CARD6: variants seen among roughly 807,000 people sequenced by gnomAD.
CARD6 encodes the protein caspase recruitment domain family member 6.
CARD6 carries 27 observed loss-of-function variants against 23.6 expected under a neutral mutation model. That is an observed-to-expected ratio of 1.14 (90% CI 0.84 to 1.58). The LOEUF is 1.58. CARD6 is among the 40% of genes most tolerant of loss of function. CARD6 has a pLI of 0.00. For missense variants in CARD6, 1,214 were observed against 1,209.9 expected (o/e 1.00, Z -0.05); for synonymous variants, 397 against 431.8 (o/e 0.92, Z 1.00).
At position 40,854,590 on chromosome 5, in the gene CARD6, A is replaced by G; in HGVS notation, c.*144A>G. 2 of 702,666 alleles carry G rather than the reference A, an allele frequency of 2.8e-6. No individual in the cohort carries two copies. Among genetic ancestry groups the G allele is most frequent in the Non-Finnish European group, 4.7e-6 (2 of 423,850 alleles). The allele number at this position is 702,666 out of a possible 1,614,324, so 43.5% of individuals were successfully genotyped here. A position where few individuals can be genotyped will look rare whatever the true frequency, so the allele number is the denominator to read the frequency against. ...AAAGATATACATGACTGAATTGGAT[A>G]TCTTTGTTTGTTTGTTTGAGACAGA... On this transcript the variant is annotated 3_prime_UTR_variant, in exon 3 of 3. Coordinates refer to ENST00000254691, the MANE Select transcript of CARD6 (RefSeq NM_032587.4).
chr5:40,843,372 A>G lies in CARD6; in HGVS notation c.504A>G (p.Glu168=). The G allele has an allele frequency of 6.2e-7, 1 of 1,614,162 alleles. No homozygotes were observed. Among genetic ancestry groups the G allele is most frequent in the Non-Finnish European group, 8.5e-7 (1 of 1,180,002 alleles). Residue 168 remains glutamate, a synonymous_variant, in exon 2 of 3, where the codon GAA becomes GAG. Transcript: ENST00000254691. ...TALSARKNEK[E]YDTPEVTLSY... is the part of the protein sequence containing the mutation. ...TGTCTGCCAGGAAGAATGAGAAGGA[A>G]TATGACACACCAGAAGTCACATTAT...
Position 40,852,161 on chromosome 5 carries a change from T to A in CARD6, c.842-13T>A, listed in dbSNP as rs752850800. On this transcript the variant is annotated splice_polypyrimidine_tract_variant and intron_variant, in intron 2 of 2. Coordinates refer to ENST00000254691, the MANE Select transcript of CARD6 (RefSeq NM_032587.4). ...TCTGAACATGGCATTCACTATTATC[T>A]TCTCTCCTACAGAAAGAAAAAAGGT... The A allele has an allele frequency of 6.5e-6, 10 of 1,538,892 alleles. No individual in the cohort carries two copies. The South Asian group carries it at 1.2e-4, about 18-fold the overall frequency.
intron 2 of CARD6, among the ~76,000 whole-genome samples, chr5:40,846,193 A>C (rs1298818978): frequency 6.6e-6 from 1 of 151,136 alleles, no homozygotes; most frequent in Non-Finnish European, 1.5e-5. Flanking sequence ...TTGTATTTTT[A>C]GTAGAGATGG....
intron 2 of CARD6, among the ~76,000 whole-genome samples, chr5:40,846,482 C>T (rs543578729): frequency 6.6e-6 from 1 of 152,250 alleles, no homozygotes; most frequent in South Asian, 2.1e-4. Flanking sequence ...CAAAGTACCA[C>T]AAATGAGTGG....
chr5:40,843,389 T>C lies in CARD6; in HGVS notation c.521T>C (p.Val174Ala), dbSNP rs1377001778. 1.9e-6 allele frequency: 3 copies of C among 1,613,950 alleles called. No homozygotes were observed. Among genetic ancestry groups the C allele is most frequent in the Non-Finnish European group, 2.5e-6 (3 of 1,179,988 alleles). ...GAGAAGGAATATGACACACCAGAAG[T>C]CACATTATCATATTCAGTTGAGAAA... is the stretch of plus-strand genomic sequence containing the variant. ...KNEKEYDTPEVTLSYSVEKVG... is the reference protein window; with the variant it reads ...KNEKEYDTPEATLSYSVEKVG... The change falls in exon 2 of 3, where the codon GTC (valine) becomes GCC (alanine). Residue 174 changes from valine (V) to alanine (A), a missense_variant. By Grantham distance (64) the Val-to-Ala change is moderately conservative. Coordinates refer to ENST00000254691, the MANE Select transcript of CARD6 (RefSeq NM_032587.4).
intron 2 of CARD6, among the ~76,000 whole-genome samples, chr5:40,851,485 G>A (rs1746066216): frequency 1.3e-5 from 2 of 151,718 alleles, no homozygotes; most frequent in African/African-American, 4.8e-5. Context: ...ATGGTGAAAG[G>A]AGACTTCCAC....
chr5:40,844,958 C>A (rs570351770), intron 2 of CARD6, among the ~76,000 whole-genome samples: 2 of 151,594 alleles, frequency 1.3e-5, no homozygotes, highest in South Asian at 4.2e-4. Flanking sequence ...CCCTCCGCCT[C>A]CCGGGTTCAA....
At position 40,854,656 on chromosome 5, in the gene CARD6, T is replaced by A. The variant is rs920815467; in HGVS notation, c.*210T>A. Reference sequence around the variant, plus strand: ...CCCAGGCTGGAGTGCAATGGCACGATCTCGGCTCACCGCAACCTCTGCTTC... The same window carrying A: ...CCCAGGCTGGAGTGCAATGGCACGAACTCGGCTCACCGCAACCTCTGCTTC... On this transcript the variant is annotated 3_prime_UTR_variant, in exon 3 of 3. Coordinates refer to ENST00000254691, the MANE Select transcript of CARD6 (RefSeq NM_032587.4). The A allele has an allele frequency of 6.0e-5, 32 of 536,150 alleles. No homozygotes were observed. The highest frequency in any genetic ancestry group is 9.6e-5 in the Non-Finnish European group (29 of 302,954). The allele number at this position is 536,150 out of a possible 1,614,324, so 33.2% of individuals were successfully genotyped here. A position where few individuals can be genotyped will look rare whatever the true frequency, so the allele number is the denominator to read the frequency against.
Position 40,852,977 on chromosome 5 carries a change from G to T in CARD6, c.1645G>T (p.Val549Phe), listed in dbSNP as rs772724546. ...GACTCAGTTTGGTTTTTTGATGGAAGTTTCTTCAGCTGTGTTTTTTTTCAC... is the reference window on the plus strand; with the variant it reads ...GACTCAGTTTGGTTTTTTGATGGAATTTTCTTCAGCTGTGTTTTTTTTCAC... ...FWTQFGFLME[V>F]SSAVFFFTDC... Residue 549 changes from valine to phenylalanine, a missense_variant, in exon 3 of 3, where the codon GTT becomes TTT. Coordinates refer to ENST00000254691, the MANE Select transcript of CARD6 (RefSeq NM_032587.4). The T allele has an allele frequency of 2.5e-6, 4 of 1,614,178 alleles. No individual in the cohort carries two copies. The highest frequency in any genetic ancestry group is 3.4e-6 in the Non-Finnish European group (4 of 1,180,022).
chr5:40,842,405 T>C (rs1745877207), intron 1 of CARD6, among the ~76,000 whole-genome samples: 1 of 152,242 alleles, frequency 6.6e-6, no homozygotes, highest in Non-Finnish European at 1.5e-5. Flanking sequence ...ATTTATATGC[T>C]TAGAAATTTT....
Position 40,853,040 on chromosome 5 carries a change from T to C in CARD6, c.1708T>C (p.Phe570Leu). 1 of 1,614,140 alleles carries C rather than the reference T, an allele frequency of 6.2e-7. No individual in the cohort carries two copies. Among genetic ancestry groups the C allele is most frequent in the East Asian group, 2.2e-5 (1 of 44,880 alleles). Residue 570 changes from phenylalanine to leucine, a missense_variant, in exon 3 of 3, where the codon TTT becomes CTT. By Grantham distance (22) the Phe-to-Leu change is conservative (BLOSUM62 0). Transcript: ENST00000254691. ...LGEKEWDLLM[F>L]LGEAAIERCY... ...TGAGAAGGAATGGGACTTGCTAATG[T>C]TTTTAGGAGAGGCTGCCATTGAAAG...
chr5:40,851,837 C>T (rs1196387585), intron 2 of CARD6, among the ~76,000 whole-genome samples: 1 of 151,874 alleles, frequency 6.6e-6, no homozygotes, highest in Non-Finnish European at 1.5e-5. Flanking sequence ...AAAAATAATG[C>T]AGATGACTTA....
intron 2 of CARD6, among the ~76,000 whole-genome samples, chr5:40,846,530 G>A (rs1390762286): frequency 6.6e-6 from 1 of 152,102 alleles, no homozygotes; most frequent in Non-Finnish European, 1.5e-5. Context: ...CACAGTTCAG[G>A]AGGCCAGAAG....
chr5:40,851,585 G>A (rs1031700599), intron 2 of CARD6, among the ~76,000 whole-genome samples: 1 of 151,902 alleles, frequency 6.6e-6, no homozygotes, highest in Non-Finnish European at 1.5e-5. Flanking sequence ...TTGGGAGGCT[G>A]AGGCAGGCTG....
rs1746119723 is a variant in CARD6, at chr5:40,853,421, C to A, written c.2089C>A (p.Gln697Lys). Residue 697 changes from glutamine to lysine, a missense_variant, in exon 3 of 3, where the codon CAG becomes AAG. Coordinates refer to ENST00000254691, the MANE Select transcript of CARD6 (RefSeq NM_032587.4). ...TCAGCTAAAAAGCTCATCTAAAAGCCAGGCTCTAATGCCAATTCAAGAGCC... is the reference window on the plus strand; with the variant it reads ...TCAGCTAAAAAGCTCATCTAAAAGCAAGGCTCTAATGCCAATTCAAGAGCC... The part of the protein sequence containing the change: ...HSQLKSSSKS[Q>K]ALMPIQEPGT... The A allele has an allele frequency of 6.2e-7, 1 of 1,614,172 alleles. No individual in the cohort carries two copies. Among genetic ancestry groups the A allele is most frequent in the Admixed American group, 1.7e-5 (1 of 60,018 alleles).
Position 40,853,396 on chromosome 5 carries a change from T to C in CARD6, c.2064T>C (p.Ser688=). The change falls in exon 3 of 3, where the codon AGT becomes AGC. Residue 688 remains serine, a synonymous_variant. Coordinates refer to ENST00000254691, the MANE Select transcript of CARD6 (RefSeq NM_032587.4). ...AAGGTGAGGGTCAGCAAAGACACAG[T>C]CAGCTAAAAAGCTCATCTAAAAGCC... is the stretch of plus-strand genomic sequence containing the variant. ...TAEGEGQQRH[S]QLKSSSKSQA... The C allele has an allele frequency of 6.2e-7, 1 of 1,614,102 alleles. No individual in the cohort carries two copies. Among genetic ancestry groups the C allele is most frequent in the Non-Finnish European group, 8.5e-7 (1 of 1,180,010 alleles).
Position 40,855,341 on chromosome 5 carries a change from T to A in CARD6, c.*895T>A, listed in dbSNP as rs1017054944. 6.6e-6 allele frequency: 1 copy of A among 152,354 alleles called. No individual in the cohort carries two copies. The highest frequency in any genetic ancestry group is 6.5e-5 in the Admixed American group (1 of 15,272). The allele number at this position is 152,354 out of a possible 1,614,324, so 9.4% of individuals were successfully genotyped here. A position where few individuals can be genotyped will look rare whatever the true frequency, so the allele number is the denominator to read the frequency against. The stretch of plus-strand genomic sequence containing the variant: ...ATGAATTAACAACCAATAAAATTAA[T>A]CATTTGGCATTAACTTTGTGAAAGA... On this transcript the variant is annotated 3_prime_UTR_variant, in exon 3 of 3. Coordinates refer to ENST00000254691, the MANE Select transcript of CARD6 (RefSeq NM_032587.4).
chr5:40,853,026 G>A lies in CARD6; in HGVS notation c.1694G>A (p.Trp565Ter). ...FFTDCLGEKEWDLLMFLGEAA... is the reference protein window; with the variant it reads ...FFTDCLGEKE ...ACTGACTGTTTAGGTGAGAAGGAAT[G>A]GGACTTGCTAATGTTTTTAGGAGAG... Residue 565 changes from tryptophan to a stop codon, truncating the protein, a stop_gained, in exon 3 of 3, where the codon TGG becomes TAG. Transcript: ENST00000254691. LOFTEE classifies it low-confidence loss of function (END_TRUNC). 2 of 1,614,128 alleles carry A rather than the reference G, an allele frequency of 1.2e-6. No homozygotes were observed. The highest frequency in any genetic ancestry group is 1.7e-6 in the Non-Finnish European group (2 of 1,180,024).
At chr5:40,841,702 AG>A in intron 1 of CARD6, 37 bp downstream of exon 1, 1 of 1,514,796 alleles carries the variant, frequency 6.6e-7, no homozygotes. Context: ...GGTGAGAGGA[AG>A]GGGGCAGACT....
Sources: gnomAD v4.1 joint callset for allele counts (sites outside exome capture counted in the v4.1 genomes callset) on GRCh38, gnomAD v4.1.1 for gene constraint, MANE v1.5 for transcripts, NCBI Gene and HGNC (gene_info 2026-07-23, HGNC 2026-07-21) for gene names.